The following FMN1 variants were observed in gnomAD, a reference collection of about 807,000 sequenced individuals.
FMN1 encodes the protein formin-1.
Under a neutral mutation model 132.4 loss-of-function variants are expected in FMN1, and 110 were observed. The ratio of observed to expected loss-of-function variants is 0.83; its 90% CI spans 0.71 to 0.97. FMN1 has a LOEUF of 0.97. Among genes scored for constraint, FMN1 ranks in the 50% least tolerant of loss-of-function variants. FMN1 has a pLI of 0.00. For synonymous variants in FMN1, 722 were observed against 651.7 expected (o/e 1.11, Z -1.64); for missense variants, 1,792 against 1,705.3 (o/e 1.05, Z -0.90).
intron 4 of FMN1, among the ~76,000 whole-genome samples, chr15:33,099,144 A>G (rs559902729): frequency 2.6e-5 from 4 of 152,194 alleles, no homozygotes; most frequent in African/African-American, 7.2e-5. Context: ...ACAAAAAGTT[A>G]GCCAGGTGGG....
Position 32,857,086 on chromosome 15 carries a change from A to C in FMN1, c.3857T>G (p.Val1286Gly). 6.2e-7 allele frequency: 1 copy of C among 1,613,696 alleles called. No individual in the cohort carries two copies. The highest frequency in any genetic ancestry group is 8.5e-7 in the Non-Finnish European group (1 of 1,179,624). Residue 1286 changes from valine (V) to glycine (G), a missense_variant, in exon 17 of 21, where the codon GTG becomes GGG. By Grantham distance (109) the Val-to-Gly change is moderately radical. Transcript: ENST00000616417. ...CTCCTTTGGGGACTCCTTGCACACC[A>C]CCACCATCTGTTTCTCACTTGCTGT... ...QLEASEKQMV[V>G]VCKESPKEYL...
intron 7 of FMN1, among the ~76,000 whole-genome samples, chr15:32,986,532 C>T (rs927931394): frequency 6.6e-6 from 1 of 152,084 alleles, no homozygotes. Flanking sequence ...AATCTCCCAT[C>T]TAGGTTTATT....
chr15:32,979,148 ATAAACCTGG>A (rs2140749172), intron 7 of FMN1, among the ~76,000 whole-genome samples: 1 of 152,304 alleles, frequency 6.6e-6, no homozygotes, highest in African/African-American at 2.4e-5. Context: ...GTGGTGCTGT[ATAAACCTGG>A]TAGAATGCAA....
intron 6 of FMN1, among the ~76,000 whole-genome samples, chr15:33,059,867 G>A (rs767069334): frequency 1.3e-5 from 2 of 152,104 alleles, no homozygotes; most frequent in South Asian, 4.1e-4. Flanking sequence ...GTATCTCCTT[G>A]AACACAATAT....
chr15:33,043,171 C>T (rs1158688411), intron 6 of FMN1, among the ~76,000 whole-genome samples: 1 of 152,218 alleles, frequency 6.6e-6, no homozygotes, highest in African/African-American at 2.4e-5. Flanking sequence ...AGCAGCGAGC[C>T]ATGGTGCCCA....
intron 6 of FMN1, among the ~76,000 whole-genome samples, chr15:33,055,395 A>T (rs994580556): frequency 1.3e-5 from 2 of 152,238 alleles, no homozygotes; most frequent in Non-Finnish European, 2.9e-5. Flanking sequence ...CCTCAAATGT[A>T]TAAAAGCAAG....
intron 7 of FMN1, among the ~76,000 whole-genome samples, chr15:32,985,466 T>C (rs904646059): frequency 2.0e-5 from 3 of 152,184 alleles, no homozygotes; most frequent in Non-Finnish European, 2.9e-5. Context: ...ATTCTTCCAA[T>C]ATCCTAGTTG....
rs553435872 is a variant in FMN1 at position 32,966,628 on chromosome 15, A to G, written c.2987+2086T>C. ...AGACACCCAAGAAGGCAAAACGTCA[A>G]AAGAAAAAAAATCAGTTCATACCAG... On this transcript the variant is annotated intron_variant, in intron 8 of 20. Coordinates refer to ENST00000616417, the MANE Select transcript of FMN1 (RefSeq NM_001277313.2). 1.7e-3 allele frequency among the ~76,000 whole-genome samples: 260 copies of G among 152,328 alleles called. 1 individual carries two copies. Among genetic ancestry groups the G allele is most frequent in the African/African-American group, 6.0e-3 (249 of 41,580 alleles).
chr15:33,074,622 G>A (rs1454236706), intron 5 of FMN1, among the ~76,000 whole-genome samples: 1 of 152,212 alleles, frequency 6.6e-6, no homozygotes, highest in Non-Finnish European at 1.5e-5. Flanking sequence ...AAAAGGAAAG[G>A]AGAAAGGCTG....
intron 17 of FMN1, among the ~76,000 whole-genome samples, chr15:32,845,759 T>C (rs2058841178): frequency 6.6e-6 from 1 of 152,146 alleles, no homozygotes. Flanking sequence ...ACACCAGAAC[T>C]AACAATTCAG....
intron 4 of FMN1, among the ~76,000 whole-genome samples, chr15:33,125,398 T>C (rs563206750): frequency 6.6e-6 from 1 of 152,134 alleles, no homozygotes; most frequent in African/African-American, 2.4e-5. Context: ...TGAAGAAAGG[T>C]AGACTCTTCC....
intron 3 of FMN1, among the ~76,000 whole-genome samples, chr15:33,168,294 G>C (rs146343238): frequency 6.6e-6 from 1 of 152,224 alleles, no homozygotes; most frequent in East Asian, 1.9e-4. Flanking sequence ...CTAATATAAG[G>C]ATTATTTTGC....
intron 16 of FMN1, among the ~76,000 whole-genome samples, chr15:32,881,866 C>A (rs993390267): frequency 2.0e-5 from 3 of 152,180 alleles, no homozygotes; most frequent in African/African-American, 7.2e-5. Flanking sequence ...CATCTAACTT[C>A]CACACATGGA....
At chr15:33,168,982 C>T (rs1965214744) in intron 3 of FMN1, among the ~76,000 whole-genome samples, 1 of 152,170 alleles carries the variant, frequency 6.6e-6, no homozygotes, top group African/African-American at 2.4e-5. Flanking sequence ...GGGAACTCCC[C>T]ATTTGATTGC....
chr15:32,919,222 A>T (rs953421704), intron 10 of FMN1, among the ~76,000 whole-genome samples: 1 of 152,180 alleles, frequency 6.6e-6, no homozygotes, highest in South Asian at 2.1e-4. Context: ...TCACAAAATA[A>T]ACAAGTTGGC....
chr15:33,025,686 A>ATC (rs2035631724), intron 6 of FMN1, among the ~76,000 whole-genome samples: 1 of 152,192 alleles, frequency 6.6e-6, no homozygotes, highest in African/African-American at 2.4e-5. Flanking sequence ...TATCAGTGGT[A>ATC]TCTCACATTA....
rs2056221754 is a variant in FMN1 at position 32,771,084 on chromosome 15, G to C, written c.*3226C>G. The C allele has an allele frequency of 6.9e-6, 1 of 145,312 alleles. No individual in the cohort carries two copies. Among genetic ancestry groups the C allele is most frequent in the Admixed American group, 6.8e-5 (1 of 14,704 alleles). 9.0% of individuals were successfully genotyped at this position (145,312 alleles called of 1,614,324 possible). A position where few individuals can be genotyped will look rare whatever the true frequency, so the allele number is the denominator to read the frequency against. On this transcript the variant is annotated 3_prime_UTR_variant, in exon 21 of 21. Coordinates refer to ENST00000616417, the MANE Select transcript of FMN1 (RefSeq NM_001277313.2). The stretch of plus-strand genomic sequence containing the variant: ...CTGGTTTTTGATACTTCATGGGCCT[G>C]ATGCTTTTTTTTTTGAAACGGAGTC...
chr15:32,886,567 C>T lies in FMN1; in HGVS notation c.3835+1605G>A, dbSNP rs1460855624. ...CTCCTCTTATCCTCTTGCTATTTATCATCAAACGTACAGGGACGTCAAAGT... is the reference window on the plus strand; with the variant it reads ...CTCCTCTTATCCTCTTGCTATTTATTATCAAACGTACAGGGACGTCAAAGT... On this transcript the variant is annotated intron_variant, in intron 16 of 20. Transcript: ENST00000616417. Among the ~76,000 whole-genome samples the T allele has an allele frequency of 2.0e-5, 3 of 152,174 alleles. No homozygotes were observed. The East Asian group carries it at 5.8e-4, about 29-fold the overall frequency.
At chr15:33,155,228 G>A (rs1964625238) in intron 3 of FMN1, among the ~76,000 whole-genome samples, 183 bp from the exon 4 acceptor site, 1 of 152,128 alleles carries the variant, frequency 6.6e-6, no homozygotes, top group South Asian at 2.1e-4. Context: ...CTGATCAGTA[G>A]AACTTTTGTA....
Sources: allele counts gnomAD v4.1 joint callset (sites outside exome capture counted in the v4.1 genomes callset), GRCh38; gene constraint gnomAD v4.1.1; transcripts MANE v1.5; gene names NCBI Gene and HGNC (gene_info 2026-07-23, HGNC 2026-07-21).